ABCA9: variants seen among roughly 807,000 people sequenced by gnomAD.
ABCA9 encodes ATP-binding cassette sub-family A member 9.
A neutral mutation model predicts 205.3 loss-of-function variants in ABCA9; 183 were observed. The observed-to-expected ratio is 0.89, with a 90% confidence interval of 0.79 to 1.01. The LOEUF is 1.01. Ranked by LOEUF, ABCA9 falls within the 50% of genes least tolerant of loss-of-function variation. The pLI is 0.00. For synonymous variants in ABCA9, 651 were observed against 683.3 expected (o/e 0.95, Z 0.74); for missense variants, 1,805 against 1,912.4 (o/e 0.94, Z 1.05).
intron 20 of ABCA9, 53 bp downstream of exon 20, chr17:69,018,360 G>GAATCTC: frequency 7.3e-7 from 1 of 1,373,906 alleles, no homozygotes; most frequent in South Asian, 1.9e-5. Flanking sequence ...TTTTTGGGGG[G>GAATCTC]AATCTCTCAA....
chr17:68,981,518 A>G (rs1260555876), intron 37 of ABCA9, among the ~76,000 whole-genome samples: 1 of 152,030 alleles, frequency 6.6e-6, no homozygotes, highest in African/African-American at 2.4e-5. Context: ...AGTGTGGTCA[A>G]TGTGAAAAAC....
At chr17:69,002,632 T>G (rs2069927881) in intron 25 of ABCA9, among the ~76,000 whole-genome samples, 2 of 152,068 alleles carry the variant, frequency 1.3e-5, no homozygotes, top group African/African-American at 4.8e-5. Flanking sequence ...GTCTATTAGG[T>G]CCGCTTGGTG....
intron 28 of ABCA9, among the ~76,000 whole-genome samples, chr17:68,991,275 A>C (rs16973495): frequency 0.49 from 74,422 of 152,030 alleles, 21,712 homozygotes; most frequent in Non-Finnish European, 0.65. Flanking sequence ...TGAGGAAAGG[A>C]ATCTAGGAAC....
At chr17:68,998,189 A>C (rs1343135862) in intron 25 of ABCA9, among the ~76,000 whole-genome samples, 1 of 152,240 alleles carries the variant, frequency 6.6e-6, no homozygotes, top group Non-Finnish European at 1.5e-5. Flanking sequence ...CATCTTGGAC[A>C]TCTTGGTTGC....
chr17:68,982,740 C>A, intron 36 of ABCA9, 99 bp from the exon 37 acceptor site: 1 of 952,040 alleles, frequency 1.1e-6, no homozygotes, highest in East Asian at 2.4e-5. Flanking sequence ...CATGGTGGCC[C>A]ATGCCTGTAA....
rs1282227703 is a variant in ABCA9, at chr17:69,003,459, G to T, written c.3435+4300C>A. ...TGAATATTGGCCCCCACTCTCTTCT[G>T]GCTTGTAGGGTTTCTGCCGAGAGAT... On this transcript the variant is annotated intron_variant, in intron 25 of 38. Coordinates refer to ENST00000340001, the MANE Select transcript of ABCA9 (RefSeq NM_080283.4). Among the ~76,000 whole-genome samples the T allele has an allele frequency of 9.6e-5, 13 of 135,858 alleles. No homozygotes were observed. In the East Asian group the frequency reaches 1.4e-3, roughly 15 times the overall value. 89.1% of individuals were successfully genotyped at this position (135,858 alleles called of 152,430 possible). A position where few individuals can be genotyped will look rare whatever the true frequency, so the allele number is the denominator to read the frequency against.
At chr17:69,061,453 T>C (rs1481059799), upstream of ABCA9, among the ~76,000 whole-genome samples, 3 of 152,192 alleles carry the variant, frequency 2.0e-5, no homozygotes, top group African/African-American at 7.2e-5. Flanking sequence ...TAAAGCAATG[T>C]AATTTTCTTC....
At chr17:69,060,716 A>C (rs867639264) in intron 1 of ABCA9, 150 bp downstream of exon 1, 53 of 502,406 alleles carry the variant, frequency 1.1e-4, no homozygotes, top group African/African-American at 1.0e-3. Flanking sequence ...TTAGACATAC[A>C]AAATAAAATA....
intron 31 of ABCA9, among the ~76,000 whole-genome samples, chr17:68,987,637 C>G (rs2069279289): frequency 6.6e-6 from 1 of 152,168 alleles, no homozygotes. Context: ...AGGCGGTCAA[C>G]AGACCACATC....
In ABCA9 at chr17:68,975,695, G is replaced by C. The variant is rs1471903674; in HGVS notation, c.*220C>G. ...ACAGTAGGAAACATGGGATTTGGTT[G>C]CTGGCACAAAGGCTGCATGGTATGG... is the stretch of plus-strand genomic sequence containing the variant. On this transcript the variant is annotated 3_prime_UTR_variant, in exon 39 of 39. Transcript: ENST00000340001. The C allele has an allele frequency of 4.6e-6, 2 of 432,438 alleles. No individual in the cohort carries two copies. The highest frequency in any genetic ancestry group is 1.9e-5 in the African/African-American group (1 of 51,532). The allele number at this position is 432,438 out of a possible 1,614,324, so 26.8% of individuals were successfully genotyped here.
chr17:69,011,838 T>TATTA (rs906869391), intron 23 of ABCA9, 138 bp downstream of exon 23: 3 of 492,882 alleles, frequency 6.1e-6, no homozygotes, highest in Admixed American at 4.0e-5. Flanking sequence ...ATTTGACAAT[T>TATTA]ATTATTAAAG....
chr17:69,026,506 C>G (rs751956523), intron 15 of ABCA9, 39 bp from the exon 16 acceptor site: 3 of 1,522,978 alleles, frequency 2.0e-6, no homozygotes, highest in Non-Finnish European at 2.7e-6. Flanking sequence ...ACATGAAGGA[C>G]TTATTTCTTT....
At chr17:69,058,270 G>A (rs147130769) in intron 1 of ABCA9, among the ~76,000 whole-genome samples, 36 of 152,230 alleles carry the variant, frequency 2.4e-4, no homozygotes, top group South Asian at 8.3e-4. Context: ...TCATAAGGTT[G>A]CTATTGCCCC....
chr17:69,016,216 T>G (rs376684702), intron 22 of ABCA9, 37 bp downstream of exon 22: 6 of 1,437,296 alleles, frequency 4.2e-6, no homozygotes, highest in Non-Finnish European at 3.7e-6. Flanking sequence ...TGAAAACTTA[T>G]CATGGCACAG....
At chr17:68,976,279 C>A in intron 37 of ABCA9, 89 bp from the exon 38 acceptor site, 1 of 1,074,892 alleles carries the variant, frequency 9.3e-7, no homozygotes, top group Non-Finnish European at 1.4e-6. Flanking sequence ...ACAAGTAGAT[C>A]TTAAACATAA....
At chr17:68,995,821 A>G (rs2069600532) in intron 26 of ABCA9, 74 bp downstream of exon 26, 2 of 1,569,882 alleles carry the variant, frequency 1.3e-6, no homozygotes, top group Non-Finnish European at 1.7e-6. Flanking sequence ...CTCTATCTAT[A>G]TTTTTGCAAT....
intron 14 of ABCA9, 99 bp from the exon 15 acceptor site, chr17:69,027,213 T>C: frequency 6.4e-7 from 1 of 1,565,806 alleles, no homozygotes. Context: ...AACTTGTTAG[T>C]ACTTAATATT....
In ABCA9 at chr17:69,035,811, A is replaced by T. The variant is rs1450167761; in HGVS notation, c.801-10T>A. 1 of 1,606,926 alleles carries T rather than the reference A, an allele frequency of 6.2e-7. No homozygotes were observed. The highest frequency in any genetic ancestry group is 1.1e-5 in the South Asian group (1 of 90,150). On this transcript the variant is annotated splice_polypyrimidine_tract_variant and intron_variant, in intron 6 of 38. Coordinates refer to ENST00000340001, the MANE Select transcript of ABCA9 (RefSeq NM_080283.4). ...CAAACCCCAGGAAAGCCTAGCAGAG[A>T]AACAAAGCCGTCAGTTAGAATGTTG... is the stretch of plus-strand genomic sequence containing the variant.
upstream of ABCA9, chr17:69,061,119 T>G (rs933786879): frequency 1.0e-6 from 1 of 985,418 alleles, no homozygotes; most frequent in Non-Finnish European, 1.2e-6. Flanking sequence ...TGCTAGTTAC[T>G]CAGCAGGGAG....
Sources: allele counts gnomAD v4.1 joint callset (sites outside exome capture counted in the v4.1 genomes callset), GRCh38; gene constraint gnomAD v4.1.1; transcripts MANE v1.5; gene names NCBI Gene and HGNC (gene_info 2026-07-23, HGNC 2026-07-21).